Variants in RSRC1 observed in about 807,000 individuals in gnomAD.
RSRC1 encodes the protein arginine and serine rich coiled-coil 1, also known as serine/Arginine-related protein 53.
A neutral mutation model predicts 49.1 loss-of-function variants in RSRC1; 39 were observed. The observed-to-expected ratio is 0.79, with a 90% CI of 0.61 to 1.04. The LOEUF is 1.04. Among genes scored for constraint, RSRC1 ranks in the 50% least tolerant of loss-of-function variants. The pLI is 0.00. For missense variants in RSRC1, 388 were observed against 402.4 expected (o/e 0.96, Z 0.31); for synonymous variants, 143 against 130.8 (o/e 1.09, Z -0.63).
chr3:158,291,750 C>T (rs1578297775), intron 4 of RSRC1, among the ~76,000 whole-genome samples: 2 of 152,062 alleles, frequency 1.3e-5, no homozygotes, highest in East Asian at 3.8e-4. Flanking sequence ...AACCCGATTC[C>T]TCTAGACTAC....
chr3:158,305,477 T>A lies in RSRC1; in HGVS notation c.531+7402T>A, dbSNP rs112879434. 7.1e-3 allele frequency among the ~76,000 whole-genome samples: 1,085 copies of A among 152,194 alleles called. 17 individuals carry two copies. Among genetic ancestry groups the A allele is most frequent in the African/African-American group, 0.025 (1,051 of 41,550 alleles). ...AAACTACTGCAATAACTGAATATTG[T>A]ATTCTTATTTTTGTTTTTTGTATTA... is the stretch of plus-strand genomic sequence containing the variant. On this transcript the variant is annotated intron_variant, in intron 5 of 9. Transcript: ENST00000611884.
chr3:158,157,439 T>C (rs964407659), intron 3 of RSRC1, among the ~76,000 whole-genome samples: 2 of 152,192 alleles, frequency 1.3e-5, no homozygotes, highest in Non-Finnish European at 2.9e-5. Context: ...GCTCGAGCCC[T>C]CTTCTGAGAT....
intron 4 of RSRC1, among the ~76,000 whole-genome samples, chr3:158,214,717 A>G (rs1721862172): frequency 6.6e-6 from 1 of 151,814 alleles, no homozygotes; most frequent in East Asian, 1.9e-4. Context: ...ATATGATTTC[A>G]AGTGTTTGGA....
intron 7 of RSRC1, among the ~76,000 whole-genome samples, chr3:158,536,011 C>G (rs1712691170): frequency 6.6e-6 from 1 of 151,276 alleles, no homozygotes; most frequent in Non-Finnish European, 1.5e-5. Flanking sequence ...AATAATGGCT[C>G]AAAGCAACAA....
At chr3:158,416,531 C>A (rs932618295) in intron 6 of RSRC1, among the ~76,000 whole-genome samples, 1 of 151,998 alleles carries the variant, frequency 6.6e-6, no homozygotes, top group African/African-American at 2.4e-5. Context: ...TCCACTGAAT[C>A]CCCAACTGAC....
At chr3:158,397,309 G>C (rs1733664338) in intron 6 of RSRC1, among the ~76,000 whole-genome samples, 1 of 152,120 alleles carries the variant, frequency 6.6e-6, no homozygotes, top group South Asian at 2.1e-4. Flanking sequence ...TTGTGTCTTG[G>C]CTTCTAGCCA....
intron 3 of RSRC1, among the ~76,000 whole-genome samples, chr3:158,176,802 A>G (rs751599345): frequency 4.3e-4 from 65 of 152,186 alleles, no homozygotes; most frequent in Non-Finnish European, 8.4e-4. Flanking sequence ...AACGGGATCT[A>G]ATTAAACTCA....
At chr3:158,484,122 T>G (rs552901612) in intron 7 of RSRC1, among the ~76,000 whole-genome samples, 7 of 152,220 alleles carry the variant, frequency 4.6e-5, no homozygotes, top group Non-Finnish European at 1.0e-4. Context: ...TGATTAAGTG[T>G]TTCCCCTCGG....
intron 5 of RSRC1, among the ~76,000 whole-genome samples, chr3:158,335,408 G>A (rs773743036): frequency 1.8e-4 from 27 of 152,238 alleles, no homozygotes; most frequent in Non-Finnish European, 2.8e-4. Flanking sequence ...TGAAAAGTTG[G>A]CTATGAGTAT....
rs1045320851 is a variant in RSRC1 at position 158,544,450 on chromosome 3, A to G, written c.*175A>G. 1 of 404,828 alleles carries G rather than the reference A, an allele frequency of 2.5e-6. No homozygotes were observed. Among genetic ancestry groups the G allele is most frequent in the South Asian group, 6.2e-5 (1 of 16,026 alleles). The allele number at this position is 404,828 out of a possible 1,614,324, so 25.1% of individuals were successfully genotyped here. A position where few individuals can be genotyped will look rare whatever the true frequency, so the allele number is the denominator to read the frequency against. Reference sequence around the variant, plus strand: ...AATATTTGTTAATTTGAATTAAATCAAACATTGTAAAAATTAAAACAAAAT... The same window carrying G: ...AATATTTGTTAATTTGAATTAAATCGAACATTGTAAAAATTAAAACAAAAT... On this transcript the variant is annotated 3_prime_UTR_variant, in exon 10 of 10. Coordinates refer to ENST00000611884, the MANE Select transcript of RSRC1 (RefSeq NM_001271838.2).
intron 5 of RSRC1, among the ~76,000 whole-genome samples, chr3:158,346,373 G>T (rs1196876054): frequency 6.6e-6 from 1 of 151,942 alleles, no homozygotes; most frequent in Non-Finnish European, 1.5e-5. Flanking sequence ...AAGTCCAGTT[G>T]GATTTTGCAT....
At chr3:158,319,270 A>C (rs1359010078) in intron 5 of RSRC1, among the ~76,000 whole-genome samples, 3 of 151,954 alleles carry the variant, frequency 2.0e-5, no homozygotes, top group Non-Finnish European at 4.4e-5. Flanking sequence ...ATGAAATCGG[A>C]TAGTTTAAGA....
chr3:158,536,354 TAAATG>T (rs1712711823), intron 7 of RSRC1, among the ~76,000 whole-genome samples: 2 of 151,242 alleles, frequency 1.3e-5, no homozygotes, highest in Non-Finnish European at 3.0e-5. Flanking sequence ...CTTCAGTAAA[TAAATG>T]GCAATGAAAG....
intron 7 of RSRC1, among the ~76,000 whole-genome samples, chr3:158,470,257 C>T (rs1340396532): frequency 3.4e-5 from 5 of 148,116 alleles, no homozygotes; most frequent in African/African-American, 1.2e-4. Flanking sequence ...GAGTGGGTAT[C>T]CAAGAAGAAT....
At chr3:158,297,569 A>G (rs2108116738) in intron 4 of RSRC1, among the ~76,000 whole-genome samples, 1 of 152,104 alleles carries the variant, frequency 6.6e-6, no homozygotes, top group Non-Finnish European at 1.5e-5. Context: ...CTTTATGTGT[A>G]CATTCTTTTT....
intron 5 of RSRC1, among the ~76,000 whole-genome samples, 158 bp from the exon 6 acceptor site, chr3:158,354,699 A>G (rs1019672480): frequency 6.6e-6 from 1 of 152,242 alleles, no homozygotes; most frequent in South Asian, 2.1e-4. Flanking sequence ...TGCATCATAT[A>G]TGCAAGTGCA....
intron 5 of RSRC1, among the ~76,000 whole-genome samples, chr3:158,340,979 G>A (rs1730205355): frequency 6.6e-6 from 1 of 152,214 alleles, no homozygotes; most frequent in Non-Finnish European, 1.5e-5. Flanking sequence ...TTTTAGCAGA[G>A]AGACTGGTGG....
chr3:158,187,844 G>T (rs761001676), intron 3 of RSRC1, among the ~76,000 whole-genome samples: 2 of 151,912 alleles, frequency 1.3e-5, no homozygotes, highest in Admixed American at 1.3e-4. Context: ...AGGTAATTTC[G>T]TGTAGGCTTA....
At chr3:158,455,695 C>T (rs945291358) in intron 6 of RSRC1, among the ~76,000 whole-genome samples, 1 of 151,976 alleles carries the variant, frequency 6.6e-6, no homozygotes, top group African/African-American at 2.4e-5. Context: ...GAAGGGGCAA[C>T]ATGGCCTGGT....
Sources: allele counts gnomAD v4.1 joint callset (sites outside exome capture counted in the v4.1 genomes callset), GRCh38; gene constraint gnomAD v4.1.1; transcripts MANE v1.5; gene names NCBI Gene and HGNC (gene_info 2026-07-23, HGNC 2026-07-21).